The following HYOU1 variants were observed in gnomAD, a reference collection of about 807,000 sequenced individuals.
HYOU1 encodes hypoxia up-regulated 1.
Under a neutral mutation model 120.5 loss-of-function variants are expected in HYOU1, and 40 were observed. The ratio of observed to expected loss-of-function variants is 0.33; its 90% confidence interval spans 0.26 to 0.43. HYOU1 has a LOEUF of 0.43. Ranked by LOEUF, HYOU1 falls within the 20% of genes least tolerant of loss-of-function variation. The pLI is 1.00. For missense variants in HYOU1, 1,085 were observed against 1,278.3 expected (o/e 0.85, Z 2.31); for synonymous variants, 501 against 479.4 (o/e 1.05, Z -0.59).
In HYOU1 at chr11:119,049,958, T is replaced by A. The variant is rs1944325310; in HGVS notation, c.1666-121A>T. On this transcript the variant is annotated intron_variant, in intron 14 of 25. Coordinates refer to ENST00000617285, the MANE Select transcript of HYOU1 (RefSeq NM_006389.5). Reference sequence around the variant, plus strand: ...GCCGTCACAGGCCTAGTCTCTCACCTGCCTTTTCTAAGGACTTGGAGGTGG... The same window carrying A: ...GCCGTCACAGGCCTAGTCTCTCACCAGCCTTTTCTAAGGACTTGGAGGTGG... 4 of 892,714 alleles carry A rather than the reference T, an allele frequency of 4.5e-6. No homozygotes were observed. The South Asian group carries it at 5.5e-5, about 12-fold the overall frequency. The allele number at this position is 892,714 out of a possible 1,614,324, so 55.3% of individuals were successfully genotyped here. A position where few individuals can be genotyped will look rare whatever the true frequency, so the allele number is the denominator to read the frequency against.
At position 119,049,073 on chromosome 11, in the gene HYOU1, G is replaced by A. The variant is rs1944256564; in HGVS notation, c.1937C>T (p.Thr646Ile). ...PPPPEPKGDATPEGEKATEKE... is the reference protein window; with the variant it reads ...PPPPEPKGDAIPEGEKATEKE... ...TTCTGTGGCCTTTTCTCCCTCAGGG[G>A]TTGCATCTCCCTTAGGTTCAGGGGG... is the stretch of plus-strand genomic sequence containing the variant. The change falls in exon 17 of 26, where the codon ACC becomes ATC. Residue 646 changes from threonine to isoleucine, a missense_variant. By Grantham distance (89) the Thr-to-Ile change is moderately conservative. Transcript: ENST00000617285. 2 of 1,614,112 alleles carry A rather than the reference G, an allele frequency of 1.2e-6. No homozygotes were observed. The highest frequency in any genetic ancestry group is 1.3e-5 in the African/African-American group (1 of 75,018).
In HYOU1 at chr11:119,051,999, C is replaced by T. The variant is rs2133589550; in HGVS notation, c.1206-48G>A. 5 of 1,613,086 alleles carry T rather than the reference C, an allele frequency of 3.1e-6. No individual in the cohort carries two copies. The highest frequency in any genetic ancestry group is 2.2e-5 in the East Asian group (1 of 44,840). On this transcript the variant is annotated intron_variant, in intron 11 of 25. Coordinates refer to ENST00000617285, the MANE Select transcript of HYOU1 (RefSeq NM_006389.5). This position sits in a 1 kb window ranked among gnomAD's most constrained non-coding sequence, Gnocchi z 4.2. ...CACGGTCTACCCTGGAGCATGCAAC[C>T]GGGACTTCCCTCCCCTCAGCCCTCC...
chr11:119,050,071 A>G (rs1768594266), intron 14 of HYOU1, among the ~76,000 whole-genome samples: 1 of 152,024 alleles, frequency 6.6e-6, no homozygotes, highest in South Asian at 2.1e-4. Context: ...CCACTCAATA[A>G]CTGTATTGGC....
Position 119,046,646 on chromosome 11 carries a change from G to C in HYOU1, c.2752C>G (p.Pro918Ala). ...KAKFTKPRPR[P>A]KDKNGTRAEP... The stretch of plus-strand genomic sequence containing the variant: ...GCCCGGGTCCCATTCTTGTCCTTAG[G>C]CCGGGGCCGGGGCTTGGTAAACTTG... The change falls in exon 23 of 26, where the codon CCT (proline) becomes GCT (alanine). Residue 918 changes from proline (P) to alanine (A), a missense_variant. Coordinates refer to ENST00000617285, the MANE Select transcript of HYOU1 (RefSeq NM_006389.5). 6.2e-7 allele frequency: 1 copy of C among 1,614,178 alleles called. No homozygotes were observed. The highest frequency in any genetic ancestry group is 8.5e-7 in the Non-Finnish European group (1 of 1,180,036).
intron 24 of HYOU1, among the ~76,000 whole-genome samples, chr11:119,046,117 C>T (rs2133547298): frequency 2.0e-5 from 3 of 152,012 alleles, no homozygotes; most frequent in East Asian, 1.9e-4. Context: ...TGCGCCACCA[C>T]GCCTGACTCT....
In HYOU1 at chr11:119,044,321, T is replaced by A. The variant is rs1259446256; in HGVS notation, c.*1272A>T. ...ACATACAGAAGAGGTGGGGGTGGGGTGAGGGGTGGGACCCTTAGGTCCCAT... is the reference window on the plus strand; with the variant it reads ...ACATACAGAAGAGGTGGGGGTGGGGAGAGGGGTGGGACCCTTAGGTCCCAT... On this transcript the variant is annotated 3_prime_UTR_variant, in exon 26 of 26. Transcript: ENST00000617285. 1.7e-5 allele frequency: 1 copy of A among 59,460 alleles called. No homozygotes were observed. The highest frequency in any genetic ancestry group is 2.3e-4 in the Admixed American group (1 of 4,328). The allele number at this position is 59,460 out of a possible 1,614,324, so 3.7% of individuals were successfully genotyped here. A position where few individuals can be genotyped will look rare whatever the true frequency, so the allele number is the denominator to read the frequency against.
Position 119,054,614 on chromosome 11 carries a change from T to C in HYOU1, c.558A>G (p.Arg186=). ...VPVFFNQAER[R]AVLQAARMAG... The stretch of plus-strand genomic sequence containing the variant: ...CCATACGAGCAGCCTGCAGCACAGC[T>C]CGGCGCTCGGCCTGGTTGAAGAAGA... Residue 186 remains arginine (R), a synonymous_variant, in exon 7 of 26, where the codon CGA becomes CGG. Transcript: ENST00000617285. 1 of 1,614,098 alleles carries C rather than the reference T, an allele frequency of 6.2e-7. No individual in the cohort carries two copies.
Position 119,055,749 on chromosome 11 carries a change from C to A in HYOU1, c.185+1G>T. 4.3e-6 allele frequency: 7 copies of A among 1,613,414 alleles called. No homozygotes were observed. The highest frequency in any genetic ancestry group is 5.9e-6 in the Non-Finnish European group (7 of 1,179,352). ...ACCCTTAACACGGGGGCCACCCTCA[C>A]TTATTCAAGACAATTTCCATGGGCA... On this transcript the variant is annotated splice_donor_variant, in intron 3 of 25. Transcript: ENST00000617285. LOFTEE classifies it high-confidence loss of function. This position sits in a 1 kb window ranked among gnomAD's most constrained non-coding sequence, Gnocchi z 4.0.
chr11:119,054,854 G>T (rs2133608434), intron 6 of HYOU1, 130 bp downstream of exon 6: 82 of 1,115,924 alleles, frequency 7.3e-5, no homozygotes, highest in Non-Finnish European at 9.8e-5. Context: ...GCACCCCTCA[G>T]ATGTGACAAC....
In HYOU1 at chr11:119,047,722, C is replaced by G. The variant is rs2133557806; in HGVS notation, c.2595+12G>C. On this transcript the variant is annotated intron_variant, in intron 22 of 25. Coordinates refer to ENST00000617285, the MANE Select transcript of HYOU1 (RefSeq NM_006389.5). Reference sequence around the variant, plus strand: ...AGCTAAGTATCTGGTTAAGTATTTACGAAGTGATTACCCAGGTCTCATTGA... The same window carrying G: ...AGCTAAGTATCTGGTTAAGTATTTAGGAAGTGATTACCCAGGTCTCATTGA... The G allele has an allele frequency of 6.2e-7, 1 of 1,604,200 alleles. No individual in the cohort carries two copies. The highest frequency in any genetic ancestry group is 1.1e-5 in the South Asian group (1 of 90,870).
In HYOU1 at chr11:119,055,711, T is replaced by C. The variant is rs1028441710; in HGVS notation, c.185+39A>G. On this transcript the variant is annotated intron_variant, in intron 3 of 25. Transcript: ENST00000617285. The surrounding 1 kb of genome is among the most constrained non-coding windows in gnomAD (Gnocchi z 4.0). ...ACACATTCACACTTGGAGCCCAGAC[T>C]CCCTCGTTCCCCACCCTTAACACGG... is the stretch of plus-strand genomic sequence containing the variant. The C allele has an allele frequency of 6.4e-7, 1 of 1,566,044 alleles. No individual in the cohort carries two copies. The highest frequency in any genetic ancestry group is 1.4e-5 in the African/African-American group (1 of 74,008).
In HYOU1 at chr11:119,048,127, A is replaced by G; in HGVS notation, c.2377-47T>C. On this transcript the variant is annotated intron_variant, in intron 20 of 25. Transcript: ENST00000617285. The surrounding 1 kb of genome is among the most constrained non-coding windows in gnomAD (Gnocchi z 4.7). Reference sequence around the variant, plus strand: ...AGAGGGGTGGAAGGGACGACAGCAGAGCCTGGAGTCAGCCCCATGTCCTTC... The same window carrying G: ...AGAGGGGTGGAAGGGACGACAGCAGGGCCTGGAGTCAGCCCCATGTCCTTC... 2 of 1,612,782 alleles carry G rather than the reference A, an allele frequency of 1.2e-6. No individual in the cohort carries two copies. Among genetic ancestry groups the G allele is most frequent in the South Asian group, 2.2e-5 (2 of 91,020 alleles).
In HYOU1 at chr11:119,049,162, A is replaced by G; in HGVS notation, c.1848T>C (p.Pro616=). The change falls in exon 17 of 26, where the codon CCT becomes CCC. Residue 616 remains proline (P), a synonymous_variant. Coordinates refer to ENST00000617285, the MANE Select transcript of HYOU1 (RefSeq NM_006389.5). The part of the protein sequence containing the change: ...ESPAEGSKDE[P]GEQVELKEEA... ...CCTCCTTGAGCTCCACCTGCTCCCC[A>G]GGCTCGTCCTTGCTCCCCTCTGCAG... The G allele has an allele frequency of 6.2e-7, 1 of 1,611,476 alleles. No individual in the cohort carries two copies. Among genetic ancestry groups the G allele is most frequent in the Non-Finnish European group, 8.5e-7 (1 of 1,178,650 alleles).
Position 119,054,641 on chromosome 11 carries a change from T to C in HYOU1, c.531A>G (p.Pro177=), listed in dbSNP as rs1401979828. The C allele has an allele frequency of 6.8e-6, 11 of 1,613,530 alleles. No individual in the cohort carries two copies. In the African/African-American group the frequency reaches 1.1e-4, roughly 16 times the overall value. The change falls in exon 7 of 26, where the codon CCA becomes CCG. Residue 177 remains proline (P), a synonymous_variant. Transcript: ENST00000617285. ...QPIKDAVITV[P]VFFNQAERRA... Reference sequence around the variant, plus strand: ...GGCGCTCGGCCTGGTTGAAGAAGACTGGCACGGTGATCACTGCATCCTTGA... The same window carrying C: ...GGCGCTCGGCCTGGTTGAAGAAGACCGGCACGGTGATCACTGCATCCTTGA...
At chr11:119,049,667 G>A in intron 15 of HYOU1, 32 bp from the exon 16 acceptor site, 1 of 1,613,138 alleles carries the variant, frequency 6.2e-7, no homozygotes, top group Non-Finnish European at 8.5e-7. Context: ...GACTCAAAAG[G>A]AGACCACAGC....
chr11:119,049,029 A>C lies in HYOU1; in HGVS notation c.1981T>G (p.Ser661Ala), dbSNP rs2133569114. The change falls in exon 17 of 26, where the codon TCT (serine) becomes GCT (alanine). Residue 661 changes from serine to alanine, a missense_variant. Physicochemically the swap from Ser to Ala is moderately conservative, Grantham distance 99 (BLOSUM62 1). Transcript: ENST00000617285. ...KATEKENGDK[S>A]EAQKPSEKAE... is the part of the protein sequence containing the mutation. ...CTGCCACAGCTCACCTGGGCCTCAG[A>C]CTTGTCCCCATTTTCTTTTTCTGTG... 1.9e-6 allele frequency: 3 copies of C among 1,613,868 alleles called. No individual in the cohort carries two copies. The highest frequency in any genetic ancestry group is 2.5e-6 in the Non-Finnish European group (3 of 1,179,944).
chr11:119,050,561 T>C (rs1275291793), intron 14 of HYOU1, among the ~76,000 whole-genome samples: 6 of 150,814 alleles, frequency 4.0e-5, no homozygotes, highest in Admixed American at 6.6e-5. Context: ...ATAAATAAAG[T>C]ACAAAAAAAT....
chr11:119,049,914 T>C (rs2133576495), intron 14 of HYOU1, 77 bp from the exon 15 acceptor site: 40 of 1,303,588 alleles, frequency 3.1e-5, no homozygotes, highest in South Asian at 9.5e-5. Flanking sequence ...AAGTGGGTGT[T>C]TGCTTATGCA....
rs1389937005 is a variant in HYOU1 at position 119,051,630 on chromosome 11, A to G, written c.1339-5T>C. On this transcript the variant is annotated splice_region_variant and splice_polypyrimidine_tract_variant and intron_variant, in intron 12 of 25. Coordinates refer to ENST00000617285, the MANE Select transcript of HYOU1 (RefSeq NM_006389.5). This position sits in a 1 kb window ranked among gnomAD's most constrained non-coding sequence, Gnocchi z 4.2. ...CACCTCCCTCGTGAACTCCACCTAC[A>G]CAGCAGGCAGACAGAGGCACACTGT... is the stretch of plus-strand genomic sequence containing the variant. 38 of 1,613,804 alleles carry G rather than the reference A, an allele frequency of 2.4e-5. No individual in the cohort carries two copies. Among genetic ancestry groups the G allele is most frequent in the Non-Finnish European group, 3.1e-5 (36 of 1,179,954 alleles).
Sources: gnomAD v4.1 joint callset for allele counts (sites outside exome capture counted in the v4.1 genomes callset) on GRCh38, gnomAD v4.1.1 for gene constraint, Gnocchi (gnomAD v3.1) non-coding constraint, MANE v1.5 for transcripts, NCBI Gene and HGNC (gene_info 2026-07-23, HGNC 2026-07-21) for gene names.